Variants in COL4A4 observed in about 807,000 individuals in gnomAD.
The protein encoded by COL4A4 is collagen type IV alpha 4 chain, also known as collagen alpha-4(IV) chain.
COL4A4 carries 105 observed loss-of-function variants against 192.9 expected under a neutral mutation model. The observed-to-expected ratio is 0.54, with a 90% CI of 0.46 to 0.64. The LOEUF (loss-of-function observed/expected upper bound fraction) is 0.64, where lower values mean the gene tolerates loss of function less well. Among genes scored for constraint, COL4A4 ranks in the 30% least tolerant of loss-of-function variants. COL4A4 has a pLI of 0.00. For synonymous variants in COL4A4, 762 were observed against 769.9 expected, an observed-to-expected ratio of 0.99 and a Z score of 0.17; for missense variants, 1,967 against 2,169.3, an observed-to-expected ratio of 0.91 and a Z score of 1.85.
At chr2:226,993,217 C>T in the COL4A4 span, among the ~76,000 whole-genome samples, 2 of 152,296 alleles carry the variant, frequency 1.3e-5, no homozygotes, top group South Asian at 2.1e-4. Context: ...TTTGAAGAAA[C>T]GCTAAAGAAA....
intron 25 of COL4A4, among the ~76,000 whole-genome samples, chr2:227,066,282 A>G (rs1258389743): frequency 6.6e-6 from 1 of 152,192 alleles, no homozygotes; most frequent in Non-Finnish European, 1.5e-5. Context: ...ACCAAGTTGG[A>G]AAACACTCTG....
In COL4A4 at chr2:227,114,699, G is replaced by C. The variant is rs762040845; in HGVS notation, c.490-3C>G. The C allele has an allele frequency of 3.1e-6, 5 of 1,611,922 alleles. No individual in the cohort carries two copies. Among genetic ancestry groups the C allele is most frequent in the Non-Finnish European group, 3.4e-6 (4 of 1,178,052 alleles). ...TCTCCCTTTTCCCCAGGATGGCCCT[G>C]AAAATAAAATATGTATGTACTTAAC... On this transcript the variant is annotated splice_polypyrimidine_tract_variant and splice_region_variant and intron_variant, in intron 7 of 47. Coordinates refer to ENST00000396625, the MANE Select transcript of COL4A4 (RefSeq NM_000092.5).
Position 227,006,141 on chromosome 2 carries a change from A to AAGAT in COL4A4, c.*1180_*1183dup, listed in dbSNP as rs1962039746. 6.6e-6 allele frequency: 1 copy of AAGAT among 152,646 alleles called. No individual in the cohort carries two copies. Among genetic ancestry groups the AAGAT allele is most frequent in the Admixed American group, 6.5e-5 (1 of 15,284 alleles). 9.5% of individuals were successfully genotyped at this position (152,646 alleles called of 1,614,324 possible). A position where few individuals can be genotyped will look rare whatever the true frequency, so the allele number is the denominator to read the frequency against. On this transcript the variant is annotated 3_prime_UTR_variant, in exon 48 of 48. Transcript: ENST00000396625. The stretch of plus-strand genomic sequence containing the variant: ...TTATAAATTGTCTTTGTTTCGTTTA[A>AAGAT]AGATAGTGCCATGTCCTCCTGATGG...
At chr2:227,112,791 T>C (rs116800231) in intron 8 of COL4A4, among the ~76,000 whole-genome samples, 113 of 152,366 alleles carry the variant, frequency 7.4e-4, no homozygotes, top group African/African-American at 2.6e-3. Context: ...ATTTGACTAT[T>C]TTTCTATATA....
chr2:227,046,455 G>A (rs971003257), intron 35 of COL4A4, among the ~76,000 whole-genome samples: 2 of 151,876 alleles, frequency 1.3e-5, no homozygotes, highest in African/African-American at 4.9e-5. Context: ...ATTTAACCAG[G>A]CATCTGTGAA....
intron 8 of COL4A4, among the ~76,000 whole-genome samples, chr2:227,113,342 T>A (rs1006500412): frequency 6.6e-6 from 1 of 152,182 alleles, no homozygotes; most frequent in Non-Finnish European, 1.5e-5. Context: ...ATCTTCTGTT[T>A]CCCCTTAAGA....
Position 227,007,348 on chromosome 2 carries a change from G to A in COL4A4, c.5050C>T (p.Gln1684Ter). 6.2e-7 allele frequency: 1 copy of A among 1,614,208 alleles called. No homozygotes were observed. Among genetic ancestry groups the A allele is most frequent in the Non-Finnish European group, 8.5e-7 (1 of 1,180,048 alleles). The change falls in exon 48 of 48, where the codon CAG becomes TAG. Residue 1684 changes from glutamine to a stop codon, truncating the protein, a stop_gained. Coordinates refer to ENST00000396625, the MANE Select transcript of COL4A4 (RefSeq NM_000092.5). LOFTEE classifies it high-confidence loss of function. The stretch of plus-strand genomic sequence containing the variant: ...CTCTAGCTATACTTCACGCAGACCT[G>A]GCACCGGCTGATTTTCTGGCGTTGG... Reference protein sequence around the residue: ...QAQRQKISRCQVCVKYS With the variant: ...QAQRQKISRC
At chr2:227,112,259 A>T (rs113777657) in intron 8 of COL4A4, among the ~76,000 whole-genome samples, 5,122 of 151,514 alleles carry the variant, frequency 0.034, 281 homozygotes, top group African/African-American at 0.12. Context: ...AAGTTAAAAT[A>T]TGACATTTCA....
chr2:227,133,616 G>C (rs1256694432), intron 4 of COL4A4, among the ~76,000 whole-genome samples: 3 of 152,130 alleles, frequency 2.0e-5, no homozygotes, highest in African/African-American at 7.2e-5. Flanking sequence ...TCAAGGCCAG[G>C]CGTGGTGGCT....
intron 1 of COL4A4, among the ~76,000 whole-genome samples, chr2:227,154,351 CCAAT>C (rs2064172730): frequency 6.6e-6 from 1 of 152,118 alleles, no homozygotes; most frequent in South Asian, 2.1e-4. Flanking sequence ...TCTCAGCAAC[CCAAT>C]CTTGAAAACA....
chr2:226,979,259 T>C, the COL4A4 span, among the ~76,000 whole-genome samples: 1 of 152,134 alleles, frequency 6.6e-6, no homozygotes, highest in African/African-American at 2.4e-5. Flanking sequence ...TCAGTTCAGC[T>C]AAAAACTAGG....
chr2:227,043,477 T>G (rs777450025), intron 35 of COL4A4, among the ~76,000 whole-genome samples: 1 of 152,208 alleles, frequency 6.6e-6, no homozygotes, highest in Non-Finnish European at 1.5e-5. Context: ...TATATTGGTT[T>G]TCCTAATTAT....
At chr2:227,067,589 A>C (rs931511835) in intron 25 of COL4A4, among the ~76,000 whole-genome samples, 2 of 152,212 alleles carry the variant, frequency 1.3e-5, no homozygotes, top group Non-Finnish European at 2.9e-5. Context: ...AACTACATGG[A>C]AACTGAACAA....
At chr2:227,160,551 C>T (rs112077246) in intron 1 of COL4A4, among the ~76,000 whole-genome samples, 8 of 152,266 alleles carry the variant, frequency 5.3e-5, no homozygotes, top group African/African-American at 1.9e-4. Flanking sequence ...AGGACCCCCA[C>T]CCCATTCCCA....
chr2:227,144,810 G>T (rs572754441), intron 2 of COL4A4, among the ~76,000 whole-genome samples: 1 of 152,160 alleles, frequency 6.6e-6, no homozygotes, highest in Non-Finnish European at 1.5e-5. Flanking sequence ...GCTGGGGACC[G>T]TGAGGACCCT....
rs544988708 is a variant in COL4A4, at chr2:227,047,566, G to C, written c.3215-17C>G. 53 of 1,582,804 alleles carry C rather than the reference G, an allele frequency of 3.3e-5. No homozygotes were observed. The highest frequency in any genetic ancestry group is 4.3e-5 in the Non-Finnish European group (50 of 1,152,016). On this transcript the variant is annotated splice_polypyrimidine_tract_variant and intron_variant, in intron 34 of 47. Transcript: ENST00000396625. ...CTTTGTTTCCTGAAAGGGATAAAAT[G>C]CATGTGACATTACTTTAGACAATTT...
At chr2:227,115,328 T>C (rs1421026643) in intron 7 of COL4A4, among the ~76,000 whole-genome samples, 1 of 148,612 alleles carries the variant, frequency 6.7e-6, no homozygotes, top group Non-Finnish European at 1.5e-5. Context: ...TGGAGTGCAG[T>C]GGCGCGATCT....
At chr2:227,143,476 C>T (rs768548094) in intron 3 of COL4A4, among the ~76,000 whole-genome samples, 2 of 152,174 alleles carry the variant, frequency 1.3e-5, no homozygotes, top group Admixed American at 1.3e-4. Flanking sequence ...AATATGGCCA[C>T]TCCCTGTGTG....
In COL4A4 at chr2:227,056,090, C is replaced by T. The variant is rs759148219; in HGVS notation, c.2571G>A (p.Pro857=). ...SPGAPGGKGQ[P]GDVGPPGPAG... ...CTGGCCCGGGAGGCCCCACATCTCC[C>T]GGCTGTCCTTTCCCACCTGGAGCAC... The change falls in exon 30 of 48, where the codon CCG becomes CCA. Residue 857 remains proline, a synonymous_variant. Transcript: ENST00000396625. 10 of 1,613,960 alleles carry T rather than the reference C, an allele frequency of 6.2e-6. No homozygotes were observed. Among genetic ancestry groups the T allele is most frequent in the South Asian group, 1.1e-5 (1 of 91,074 alleles).
Sources: gnomAD v4.1 joint callset for allele counts (sites outside exome capture counted in the v4.1 genomes callset) on GRCh38, gnomAD v4.1.1 for gene constraint, MANE v1.5 for transcripts, NCBI Gene and HGNC (gene_info 2026-07-23, HGNC 2026-07-21) for gene names.